The following ROBO1 variants were observed in gnomAD, a reference collection of about 807,000 sequenced individuals.
ROBO1 encodes the protein roundabout homolog 1.
Under a neutral mutation model 195.9 loss-of-function variants are expected in ROBO1, and 149 were observed. The ratio of observed to expected loss-of-function variants is 0.76; its 90% CI spans 0.67 to 0.87. The LOEUF is 0.87. Among genes scored for constraint, ROBO1 ranks in the 40% least tolerant of loss-of-function variants. The pLI, the probability that ROBO1 is intolerant of heterozygous loss-of-function variation, is 0.00. For missense variants in ROBO1, 1,933 were observed against 2,068.3 expected, an observed-to-expected ratio of 0.93 and a Z score of 1.27; for synonymous variants, 816 against 733.2, an observed-to-expected ratio of 1.11 and a Z score of -1.82.
intron 2 of ROBO1, among the ~76,000 whole-genome samples, chr3:79,421,913 G>C (rs2038239552): frequency 6.6e-6 from 1 of 151,822 alleles, no homozygotes; most frequent in African/African-American, 2.4e-5. Context: ...ACATAGCTAT[G>C]AAACTAGGAT....
chr3:79,170,217 G>A (rs1298027865), intron 2 of ROBO1, among the ~76,000 whole-genome samples: 2 of 152,004 alleles, frequency 1.3e-5, no homozygotes, highest in Admixed American at 1.3e-4. Context: ...TCATCCCAGG[G>A]CCTCATTTAC....
At chr3:79,228,957 C>A (rs1012399518) in intron 2 of ROBO1, among the ~76,000 whole-genome samples, 1 of 152,066 alleles carries the variant, frequency 6.6e-6, no homozygotes, top group African/African-American at 2.4e-5. Context: ...CTCTTCATTT[C>A]TTAAAGTATT....
chr3:79,199,192 T>TA (rs1303002677), intron 2 of ROBO1, among the ~76,000 whole-genome samples: 1 of 151,548 alleles, frequency 6.6e-6, no homozygotes, highest in Non-Finnish European at 1.5e-5. Context: ...GAATGGCTTA[T>TA]AAAAAATCCA....
intron 2 of ROBO1, among the ~76,000 whole-genome samples, chr3:79,233,070 T>C (rs1300808027): frequency 6.6e-6 from 1 of 151,756 alleles, no homozygotes; most frequent in Non-Finnish European, 1.5e-5. Context: ...AAGAATGTAA[T>C]AAAACAAAAA....
chr3:79,510,772 A>G (rs575029363), intron 2 of ROBO1, among the ~76,000 whole-genome samples: 3 of 152,280 alleles, frequency 2.0e-5, no homozygotes, highest in African/African-American at 7.2e-5. Flanking sequence ...TTGGCTCAAT[A>G]CAAAGATTCC....
At chr3:79,107,230 A>G (rs1015632815) in intron 3 of ROBO1, among the ~76,000 whole-genome samples, 1 of 151,492 alleles carries the variant, frequency 6.6e-6, no homozygotes, top group Non-Finnish European at 1.5e-5. Context: ...CATAAGCATA[A>G]CAAAATAGGT....
rs1707967049 is a variant in ROBO1, at chr3:78,669,963, T to C, written c.1548+133A>G. Reference sequence around the variant, plus strand: ...TGAAATATCTGAAAAAAATAAAACATCAAATTAAAAATATATTACTACTCT... The same window carrying C: ...TGAAATATCTGAAAAAAATAAAACACCAAATTAAAAATATATTACTACTCT... On this transcript the variant is annotated intron_variant, in intron 11 of 30. Transcript: ENST00000464233. 23 of 638,048 alleles carry C rather than the reference T, an allele frequency of 3.6e-5. No homozygotes were observed. The East Asian group carries it at 6.7e-4, about 19-fold the overall frequency. 39.5% of individuals were successfully genotyped at this position (638,048 alleles called of 1,614,324 possible).
At chr3:79,562,693 C>A (rs1942963364) in intron 2 of ROBO1, among the ~76,000 whole-genome samples, 1 of 151,928 alleles carries the variant, frequency 6.6e-6, no homozygotes, top group South Asian at 2.1e-4. Context: ...AAAACAACAA[C>A]CTGCTGTTTT....
At chr3:79,542,565 T>C (rs906096455) in intron 2 of ROBO1, among the ~76,000 whole-genome samples, 3 of 152,086 alleles carry the variant, frequency 2.0e-5, no homozygotes, top group African/African-American at 7.2e-5. Context: ...ATTCACATTT[T>C]AAAAATAAAT....
chr3:79,274,427 G>A (rs2030845384), intron 2 of ROBO1, among the ~76,000 whole-genome samples: 1 of 151,852 alleles, frequency 6.6e-6, no homozygotes, highest in Admixed American at 6.6e-5. Context: ...AATTCAGAAG[G>A]AAATTTAAAT....
At chr3:79,729,590 C>A (rs1703062325) in intron 1 of ROBO1, among the ~76,000 whole-genome samples, 2 of 152,082 alleles carry the variant, frequency 1.3e-5, no homozygotes, top group South Asian at 4.1e-4. Context: ...GTGGTTATAT[C>A]CATCCAATTG....
intron 1 of ROBO1, among the ~76,000 whole-genome samples, chr3:79,621,134 C>T (rs1008311750): frequency 9.2e-5 from 14 of 152,150 alleles, no homozygotes; most frequent in African/African-American, 3.4e-4. Context: ...GACCCTGATA[C>T]CATCAGTCTC....
rs751960416 is a variant in ROBO1, at chr3:79,147,772, G to A, written c.89-22233C>T. Among the ~76,000 whole-genome samples, 3 of 151,914 alleles carry A rather than the reference G, an allele frequency of 2.0e-5. 1 individual carries two copies. The highest frequency in any genetic ancestry group is 2.0e-4 in the Admixed American group (3 of 15,204). On this transcript the variant is annotated intron_variant, in intron 2 of 30. Coordinates refer to ENST00000464233, the MANE Select transcript of ROBO1 (RefSeq NM_002941.4). ...TTTAACCAATGTCAAACTGAACACG[G>A]AATTTGTTTTACACTTGTTATTGAT...
chr3:79,012,648 A>G (rs7646169), intron 3 of ROBO1, among the ~76,000 whole-genome samples: 150,849 of 152,350 alleles, frequency 0.99, 74,691 homozygotes, highest in East Asian at 1. Flanking sequence ...GTCATAAGAC[A>G]TTTGGAAGCC....
intron 1 of ROBO1, among the ~76,000 whole-genome samples, chr3:79,672,527 A>C (rs924319088): frequency 2.0e-5 from 3 of 151,980 alleles, no homozygotes; most frequent in Non-Finnish European, 4.4e-5. Context: ...AAACTAAAGT[A>C]CACAGGATAA....
chr3:79,749,824 G>A (rs1236296307), intron 1 of ROBO1, among the ~76,000 whole-genome samples: 1 of 152,214 alleles, frequency 6.6e-6, no homozygotes, highest in Non-Finnish European at 1.5e-5. Context: ...CATCACAGGG[G>A]AAGGGACCTC....
rs188302728 is a variant in ROBO1 at position 79,500,205 on chromosome 3, G to A, written c.88+89619C>T. ...GAGTGCAATGGTGCTATCTCAGCTC[G>A]CTGCAACCTCCGCCTCCAGGTTCAA... On this transcript the variant is annotated intron_variant, in intron 2 of 30. Transcript: ENST00000464233. Among the ~76,000 whole-genome samples, 354 of 128,582 alleles carry A rather than the reference G, an allele frequency of 2.8e-3. 14 individuals are homozygous for A. In the South Asian group the frequency reaches 0.074, roughly 27 times the overall value. The allele number at this position is 128,582 out of a possible 152,430, so 84.4% of individuals were successfully genotyped here.
chr3:79,234,021 C>G (rs372486195), intron 2 of ROBO1, among the ~76,000 whole-genome samples: 42 of 150,716 alleles, frequency 2.8e-4, no homozygotes, highest in African/African-American at 9.9e-4. Flanking sequence ...CTTTTGCCCA[C>G]GTTTTAATGC....
intron 4 of ROBO1, among the ~76,000 whole-genome samples, chr3:78,883,542 T>C (rs576974167): frequency 1.3e-5 from 2 of 152,178 alleles, no homozygotes; most frequent in East Asian, 3.9e-4. Flanking sequence ...TCACCATGCC[T>C]GGCTAATTTT....
Sources: gnomAD v4.1 joint callset for allele counts (sites outside exome capture counted in the v4.1 genomes callset) on GRCh38, gnomAD v4.1.1 for gene constraint, MANE v1.5 for transcripts, NCBI Gene and HGNC (gene_info 2026-07-23, HGNC 2026-07-21) for gene names.